TP73: variants seen among roughly 807,000 people sequenced by gnomAD.
TP73 encodes tumor protein p73.
TP73 carries 25 observed loss-of-function variants against 62.5 expected under a neutral mutation model. The ratio of observed to expected loss-of-function variants is 0.40; its 90% CI spans 0.29 to 0.56. TP73 has a LOEUF of 0.56. Ranked by LOEUF, TP73 falls within the 20% of genes least tolerant of loss-of-function variation. The pLI, the probability that TP73 is intolerant of heterozygous loss-of-function variation, is 0.46. For missense variants in TP73, 754 were observed against 913.3 expected, an observed-to-expected ratio of 0.83 and a Z score of 2.25; for synonymous variants, 423 against 377.5, an observed-to-expected ratio of 1.12 and a Z score of -1.40.
At chr1:3,710,430 C>T (rs548702535) in intron 4 of TP73, among the ~76,000 whole-genome samples, 5 of 152,272 alleles carry the variant, frequency 3.3e-5, no homozygotes, top group Admixed American at 1.3e-4. Flanking sequence ...CCGGGCAGCC[C>T]GCTTGCTCCC....
At chr1:3,665,758 G>A (rs954067499) in intron 1 of TP73, among the ~76,000 whole-genome samples, 6 of 148,336 alleles carry the variant, frequency 4.0e-5, no homozygotes, top group African/African-American at 1.0e-4. Context: ...AGGTTCAAGC[G>A]ATTCTCCTGC....
intron 3 of TP73, among the ~76,000 whole-genome samples, chr1:3,704,079 G>C (rs1235519606): frequency 1.3e-5 from 2 of 152,226 alleles, no homozygotes; most frequent in African/African-American, 4.8e-5. Flanking sequence ...GCATTCGCTT[G>C]TTCGTTTGTT....
intron 6 of TP73, 114 bp from the exon 7 acceptor site, chr1:3,727,001 G>C: frequency 1.2e-6 from 1 of 801,728 alleles, no homozygotes; most frequent in Non-Finnish European, 2.0e-6. Context: ...TATAGAGCAG[G>C]GCATCCCCCT....
At chr1:3,682,254 C>G (rs1432152327) in intron 1 of TP73, 79 bp from the exon 2 acceptor site, 2 of 1,142,390 alleles carry the variant, frequency 1.8e-6, no homozygotes, top group Middle Eastern at 2.3e-4. Flanking sequence ...CACTTGCCTG[C>G]CGCCCCCACC....
rs75288163 is a variant in TP73 at position 3,663,585 on chromosome 1, G to A, written c.-34+10944G>A. Among the ~76,000 whole-genome samples, 99 of 152,014 alleles carry A rather than the reference G, an allele frequency of 6.5e-4. 1 individual carries two copies. The East Asian group carries it at 0.017, about 26-fold the overall frequency. On this transcript the variant is annotated intron_variant, in intron 1 of 13. Transcript: ENST00000378295. This position sits in a 1 kb window ranked among gnomAD's most constrained non-coding sequence, Gnocchi z 4.7. ...CAAAAAATTAGCCAGGCGTGGTGGC[G>A]GGCGCCTGTAGTCCCAGCTACTCGG...
chr1:3,689,435 G>C (rs1645750467), intron 3 of TP73, among the ~76,000 whole-genome samples: 1 of 152,190 alleles, frequency 6.6e-6, no homozygotes. Flanking sequence ...GCCCTGAGCT[G>C]GGCTCTCCAG....
At chr1:3,689,821 G>T (rs544709130) in intron 3 of TP73, among the ~76,000 whole-genome samples, 2 of 152,004 alleles carry the variant, frequency 1.3e-5, no homozygotes, top group African/African-American at 4.8e-5. Flanking sequence ...GTGTGGGTCC[G>T]CAGGCCCCAG....
chr1:3,734,145 C>T lies in TP73; in HGVS notation c.*1066C>T, dbSNP rs1314227070. 1 of 152,220 alleles carries T rather than the reference C, an allele frequency of 6.6e-6. No homozygotes were observed. Among genetic ancestry groups the T allele is most frequent in the Admixed American group, 6.5e-5 (1 of 15,282 alleles). 9.4% of individuals were successfully genotyped at this position (152,220 alleles called of 1,614,324 possible). A position where few individuals can be genotyped will look rare whatever the true frequency, so the allele number is the denominator to read the frequency against. On this transcript the variant is annotated 3_prime_UTR_variant, in exon 14 of 14. Coordinates refer to ENST00000378295, the MANE Select transcript of TP73 (RefSeq NM_005427.4). This position sits in a 1 kb window ranked among gnomAD's most constrained non-coding sequence, Gnocchi z 4.4. ...AGCAGCTCCTCCCTTGCCACGGCCA[C>T]CTTCTCTAGCACTGCAAGGTCCACA...
At chr1:3,689,518 C>G (rs1247255131) in intron 3 of TP73, among the ~76,000 whole-genome samples, 1 of 152,054 alleles carries the variant, frequency 6.6e-6, no homozygotes, top group Non-Finnish European at 1.5e-5. Flanking sequence ...TGGGGCAGGG[C>G]GGGTCCCCAG....
intron 3 of TP73, among the ~76,000 whole-genome samples, chr1:3,692,936 G>A (rs1477138168): frequency 6.6e-6 from 1 of 152,200 alleles, no homozygotes; most frequent in Non-Finnish European, 1.5e-5. Context: ...CGGTGCCCTG[G>A]GCGTCAGCAA....
intron 5 of TP73, among the ~76,000 whole-genome samples, chr1:3,723,142 CCT>C (rs1475413178): frequency 6.7e-6 from 1 of 149,210 alleles, no homozygotes; most frequent in African/African-American, 2.5e-5. Flanking sequence ...GAGCTGGGCA[CCT>C]CTCTGTGCCT....
intron 1 of TP73, among the ~76,000 whole-genome samples, chr1:3,661,265 G>A (rs1420180950): frequency 6.6e-6 from 1 of 152,194 alleles, no homozygotes; most frequent in Admixed American, 6.5e-5. Context: ...TAGAGTGTGT[G>A]ATTTTGGAAA....
At chr1:3,717,091 G>A (rs1322044909) in intron 4 of TP73, among the ~76,000 whole-genome samples, 3 of 152,248 alleles carry the variant, frequency 2.0e-5, no homozygotes, top group Non-Finnish European at 4.4e-5. Flanking sequence ...CGGTATTTGC[G>A]GTTTGCAAGA....
intron 4 of TP73, among the ~76,000 whole-genome samples, chr1:3,711,839 C>CGTGTGTGTGTGTGTGTGTGTGT (rs533054348): frequency 6.8e-6 from 1 of 146,052 alleles, no homozygotes; most frequent in Non-Finnish European, 1.5e-5. Context: ...TGTGCGCGAG[C>CGTGTGTGTGTGTGTGTGTGTGT]GTGTGTATGT....
At chr1:3,656,226 G>A (rs1290803266) in intron 1 of TP73, among the ~76,000 whole-genome samples, 1 of 151,768 alleles carries the variant, frequency 6.6e-6, no homozygotes, top group Non-Finnish European at 1.5e-5. Flanking sequence ...GTGTAAGACA[G>A]CTTATACCAA....
chr1:3,652,913 C>T (rs1644786484), intron 1 of TP73, among the ~76,000 whole-genome samples: 1 of 152,194 alleles, frequency 6.6e-6, no homozygotes, highest in African/African-American at 2.4e-5. Context: ...CCAAAGACAG[C>T]CCCGCAGGGG....
At chr1:3,727,805 G>C in intron 8 of TP73, 35 bp downstream of exon 8, 3 of 1,499,800 alleles carry the variant, frequency 2.0e-6, no homozygotes, top group Non-Finnish European at 1.8e-6. Context: ...GACGCGTGTG[G>C]GAGGAGAAGG....
In TP73 at chr1:3,735,601, G is replaced by A. The variant is rs1642414517; in HGVS notation, c.*2522G>A. 1 of 152,202 alleles carries A rather than the reference G, an allele frequency of 6.6e-6. No homozygotes were observed. The highest frequency in any genetic ancestry group is 1.5e-5 in the Non-Finnish European group (1 of 68,054). The allele number at this position is 152,202 out of a possible 1,614,324, so 9.4% of individuals were successfully genotyped here. ...GGTCAGGAGAAAATGCAAATTCCCA[G>A]GAACAAGAATCCTTTAAGTGATATG... On this transcript the variant is annotated 3_prime_UTR_variant, in exon 14 of 14. Transcript: ENST00000378295.
chr1:3,708,966 C>T (rs1021513213), intron 4 of TP73, among the ~76,000 whole-genome samples: 3 of 152,234 alleles, frequency 2.0e-5, no homozygotes, highest in African/African-American at 4.8e-5. Flanking sequence ...GAGTGCTGAG[C>T]AAGGGGCCCC....
Sources: allele counts gnomAD v4.1 joint callset (sites outside exome capture counted in the v4.1 genomes callset), GRCh38; gene constraint gnomAD v4.1.1; non-coding constraint Gnocchi (gnomAD v3.1); transcripts MANE v1.5; gene names NCBI Gene and HGNC (gene_info 2026-07-23, HGNC 2026-07-21).